Variants in CDH13 observed in about 807,000 individuals in gnomAD.
CDH13 encodes the protein cadherin 13, also known as cadherin-13.
CDH13 carries 24 observed loss-of-function variants against 63.8 expected under a neutral mutation model. That is an observed-to-expected ratio of 0.38 (90% CI 0.27 to 0.53). CDH13 has a LOEUF of 0.53. CDH13 is among the 20% of genes least tolerant of loss of function. CDH13 has a pLI of 0.85. For synonymous variants in CDH13, 503 were observed against 355.3 expected, an observed-to-expected ratio of 1.42 and a Z score of -4.67; for missense variants, 1,049 against 903.1, an observed-to-expected ratio of 1.16 and a Z score of -2.07.
At chr16:82,660,043 G>A (rs1195647381) in intron 1 of CDH13, among the ~76,000 whole-genome samples, 3 of 152,150 alleles carry the variant, frequency 2.0e-5, no homozygotes, top group East Asian at 1.9e-4. Context: ...CTAATTTGGA[G>A]GCTTAAAACA....
chr16:82,901,667 G>A (rs1597174707), intron 2 of CDH13, among the ~76,000 whole-genome samples: 3 of 152,242 alleles, frequency 2.0e-5, no homozygotes. Flanking sequence ...TGGATTAAAT[G>A]GATTAATAAC....
At chr16:83,395,916 T>A (rs1343509639) in intron 6 of CDH13, among the ~76,000 whole-genome samples, 1 of 152,146 alleles carries the variant, frequency 6.6e-6, no homozygotes, top group Non-Finnish European at 1.5e-5. Flanking sequence ...TTAAGCCTAA[T>A]ATTCAGTAGT....
intron 4 of CDH13, among the ~76,000 whole-genome samples, chr16:83,167,900 A>G (rs2037751740): frequency 6.6e-6 from 1 of 152,116 alleles, no homozygotes; most frequent in Non-Finnish European, 1.5e-5. Context: ...GCTTTGCAGC[A>G]ACATGGATGC....
rs138873457 is a variant in CDH13 at position 83,755,926 on chromosome 16, C to T, written c.1681+7676C>T. 2.6e-5 allele frequency among the ~76,000 whole-genome samples: 4 copies of T among 152,168 alleles called. No homozygotes were observed. The East Asian group carries it at 7.7e-4, about 29-fold the overall frequency. On this transcript the variant is annotated intron_variant, in intron 11 of 13. Coordinates refer to ENST00000567109, the MANE Select transcript of CDH13 (RefSeq NM_001257.5). ...AGTAAATGAAGTAAAATTGTAAGGACATAAGGAGTTAAAAATATTTATAGA... is the reference window on the plus strand; with the variant it reads ...AGTAAATGAAGTAAAATTGTAAGGATATAAGGAGTTAAAAATATTTATAGA...
chr16:82,842,145 TATATATATATATATATATAC>T (rs1567590532), intron 1 of CDH13, among the ~76,000 whole-genome samples: 827 of 27,406 alleles, frequency 0.03, 42 homozygotes, highest in Admixed American at 0.074. Flanking sequence ...TATACACATA[TATATATATATATATATATAC>T]ACACACACAC....
At chr16:83,030,709 C>G (rs1050160072) in intron 2 of CDH13, among the ~76,000 whole-genome samples, 36 of 150,532 alleles carry the variant, frequency 2.4e-4, no homozygotes, top group African/African-American at 8.6e-4. Context: ...AGAAGCACTC[C>G]TCTTCACTGG....
intron 1 of CDH13, among the ~76,000 whole-genome samples, chr16:82,635,192 C>A (rs1445258670): frequency 6.6e-6 from 1 of 152,232 alleles, no homozygotes; most frequent in Admixed American, 6.5e-5. Context: ...GGGCTTAGAA[C>A]AGTGCCTGGC....
intron 2 of CDH13, among the ~76,000 whole-genome samples, chr16:82,866,673 G>C (rs561472517): frequency 6.6e-6 from 1 of 152,070 alleles, no homozygotes; most frequent in Non-Finnish European, 1.5e-5. Context: ...ATAAAGATAA[G>C]AGGTTCAATT....
chr16:82,846,684 T>G (rs553862767), intron 1 of CDH13, among the ~76,000 whole-genome samples: 1 of 152,250 alleles, frequency 6.6e-6, no homozygotes, highest in Non-Finnish European at 1.5e-5. Context: ...TATATGTCCA[T>G]GTGTCTGTCT....
At chr16:83,146,627 C>T (rs769727681) in intron 4 of CDH13, among the ~76,000 whole-genome samples, 6 of 152,206 alleles carry the variant, frequency 3.9e-5, no homozygotes, top group Admixed American at 6.5e-5. Flanking sequence ...GTCACGTTAA[C>T]CAGAATGGTA....
intron 2 of CDH13, among the ~76,000 whole-genome samples, chr16:83,028,801 G>A (rs1916048457): frequency 6.6e-6 from 1 of 152,170 alleles, no homozygotes; most frequent in Non-Finnish European, 1.5e-5. Flanking sequence ...TGTTGACCAT[G>A]GGTATCTGGA....
At chr16:83,398,781 C>G (rs1390268911) in intron 6 of CDH13, among the ~76,000 whole-genome samples, 1 of 152,162 alleles carries the variant, frequency 6.6e-6, no homozygotes, top group Non-Finnish European at 1.5e-5. Flanking sequence ...TGAAATAGCA[C>G]CTTTTCAGAA....
chr16:82,704,937 A>G (rs1195621066), intron 1 of CDH13: 1 of 337,908 alleles, frequency 3.0e-6, no homozygotes, highest in South Asian at 2.4e-5. Flanking sequence ...AGCCCGGGAT[A>G]TTGACAGACA....
chr16:83,356,244 G>A (rs1358474980), intron 6 of CDH13, among the ~76,000 whole-genome samples: 1 of 150,152 alleles, frequency 6.7e-6, no homozygotes, highest in Admixed American at 6.6e-5. Flanking sequence ...GTGTGTGTGT[G>A]TGTGTGTGTG....
chr16:83,517,502 A>G (rs549911647), intron 7 of CDH13, among the ~76,000 whole-genome samples: 1 of 152,320 alleles, frequency 6.6e-6, no homozygotes, highest in South Asian at 2.1e-4. Context: ...TGCCTGTGGC[A>G]GAAGAACAAA....
At position 83,285,601 on chromosome 16, in the gene CDH13, A is replaced by G. The variant is rs1304732038; in HGVS notation, c.637-59261A>G. Among the ~76,000 whole-genome samples, 3 of 152,232 alleles carry G rather than the reference A, an allele frequency of 2.0e-5. No homozygotes were observed. The East Asian group carries it at 5.8e-4, about 29-fold the overall frequency. On this transcript the variant is annotated intron_variant, in intron 5 of 13. Coordinates refer to ENST00000567109, the MANE Select transcript of CDH13 (RefSeq NM_001257.5). ...ATTTACATTGTATTAGCTATCATAT[A>G]TAAGTAATCTAGAGATGATTTCAAG...
At chr16:82,891,096 A>G (rs1401516916) in intron 2 of CDH13, among the ~76,000 whole-genome samples, 1 of 117,350 alleles carries the variant, frequency 8.5e-6, no homozygotes, top group East Asian at 2.5e-4. Context: ...CAATTCTTTT[A>G]TTATCTCAGA....
At chr16:82,782,800 C>T (rs150851014) in intron 1 of CDH13, among the ~76,000 whole-genome samples, 88 of 152,290 alleles carry the variant, frequency 5.8e-4, no homozygotes, top group African/African-American at 2.0e-3. Context: ...CTGCAGGAAT[C>T]CTGACAGGAG....
intron 1 of CDH13, among the ~76,000 whole-genome samples, chr16:82,733,121 G>A (rs763883200): frequency 2.0e-4 from 31 of 152,204 alleles, no homozygotes; most frequent in African/African-American, 2.7e-4. Flanking sequence ...AGGCAGAGAA[G>A]TTTGCTATCC....
Sources: allele counts gnomAD v4.1 joint callset (sites outside exome capture counted in the v4.1 genomes callset), GRCh38; gene constraint gnomAD v4.1.1; transcripts MANE v1.5; gene names NCBI Gene and HGNC (gene_info 2026-07-23, HGNC 2026-07-21).